Variants in ERAP1 observed in about 807,000 individuals in gnomAD.
ERAP1 encodes the protein adipocyte-derived leucine aminopeptidase.
In ERAP1, 86 loss-of-function variants were observed where a neutral mutation model predicts 103.7. The ratio of observed to expected loss-of-function variants is 0.83; its 90% CI spans 0.70 to 0.99. The LOEUF (loss-of-function observed/expected upper bound fraction) is 0.99, where lower values mean the gene tolerates loss of function less well. ERAP1 is among the 50% of genes least tolerant of loss of function. ERAP1 has a pLI of 0.00. For missense variants in ERAP1, 1,009 were observed against 1,128.4 expected (o/e 0.89, Z 1.52); for synonymous variants, 398 against 402.4 (o/e 0.99, Z 0.13).
the ERAP1 span, among the ~76,000 whole-genome samples, chr5:96,839,581 G>T: frequency 3.9e-5 from 6 of 152,250 alleles, no homozygotes; most frequent in East Asian, 1.2e-3. Flanking sequence ...CCCTTTCATT[G>T]TTTCTCATTA....
At chr5:96,780,887 A>T (rs1026431970) in intron 17 of ERAP1, among the ~76,000 whole-genome samples, 171 bp downstream of exon 17, 1 of 152,266 alleles carries the variant, frequency 6.6e-6, no homozygotes, top group African/African-American at 2.4e-5. Context: ...TTCACTAGTT[A>T]GCACTGAAGT....
chr5:96,815,417 T>TG, the ERAP1 span, among the ~76,000 whole-genome samples: 75 of 148,046 alleles, frequency 5.1e-4, no homozygotes, highest in Middle Eastern at 3.4e-3. Context: ...GTTTTTTATT[T>TG]TTTTTTTTTT....
the ERAP1 span, among the ~76,000 whole-genome samples, chr5:96,924,595 C>G: frequency 1.3e-5 from 2 of 150,996 alleles, no homozygotes; most frequent in African/African-American, 4.9e-5. Context: ...TTCGGGCTAA[C>G]AGATTTTTTT....
chr5:96,882,081 TC>T, the ERAP1 span, among the ~76,000 whole-genome samples: 5 of 152,178 alleles, frequency 3.3e-5, no homozygotes, highest in Admixed American at 1.3e-4. Flanking sequence ...GGACAACTCT[TC>T]CCCAGGCTCC....
the ERAP1 span, among the ~76,000 whole-genome samples, chr5:96,830,448 G>T: frequency 6.6e-6 from 1 of 152,164 alleles, no homozygotes; most frequent in African/African-American, 2.4e-5. Context: ...GATGCTCATT[G>T]CATTATGGCA....
At chr5:96,899,028 G>A in the ERAP1 span, among the ~76,000 whole-genome samples, 1 of 152,128 alleles carries the variant, frequency 6.6e-6, no homozygotes, top group Admixed American at 6.6e-5. Context: ...GAGTTAAAAA[G>A]AAAATTTGGC....
At chr5:96,849,629 A>G in the ERAP1 span, among the ~76,000 whole-genome samples, 1 of 152,236 alleles carries the variant, frequency 6.6e-6, no homozygotes. Context: ...AAATGGAAAG[A>G]TATCTCACAT....
chr5:96,855,767 T>A, the ERAP1 span, among the ~76,000 whole-genome samples: 12 of 152,320 alleles, frequency 7.9e-5, no homozygotes, highest in East Asian at 2.1e-3. Flanking sequence ...CAAGAGTGAA[T>A]CTGAGTCCCA....
At chr5:96,839,603 T>A in the ERAP1 span, among the ~76,000 whole-genome samples, 2 of 152,222 alleles carry the variant, frequency 1.3e-5, no homozygotes, top group Non-Finnish European at 1.5e-5. Flanking sequence ...CTTTAGGATA[T>A]ATATCGACAC....
At chr5:96,808,666 CCTCT>C (rs1446219823), upstream of ERAP1, among the ~76,000 whole-genome samples, 1 of 152,090 alleles carries the variant, frequency 6.6e-6, no homozygotes, top group Non-Finnish European at 1.5e-5. Flanking sequence ...CAACACGTTC[CCTCT>C]GATTTTTCAA....
intron 19 of ERAP1, chr5:96,769,131 G>A (rs25862): frequency 0.42 from 64,073 of 151,998 alleles, 13,868 homozygotes; most frequent in South Asian, 0.47. Context: ...TTATTTTCAG[G>A]AGAGTTAATT....
chr5:96,896,408 T>C, the ERAP1 span: 3 of 1,612,188 alleles, frequency 1.9e-6, no homozygotes, highest in Non-Finnish European at 2.5e-6. Context: ...TTGAAGTAAT[T>C]ACAAAAGATT....
chr5:96,849,880 A>G, the ERAP1 span, among the ~76,000 whole-genome samples: 1 of 152,308 alleles, frequency 6.6e-6, no homozygotes, highest in East Asian at 1.9e-4. Context: ...TAGAGTAATC[A>G]AAACAGCATG....
the ERAP1 span, chr5:96,934,007 A>T: frequency 1.6e-4 from 24 of 152,236 alleles, no homozygotes; most frequent in Non-Finnish European, 3.1e-4. Context: ...TACTGATCAA[A>T]CACATCATTC....
At position 96,776,325 on chromosome 5, in the gene ERAP1, T is replaced by A; in HGVS notation, c.*71A>T. ...TCCAGTTGGAGCCAAAACAGCCATCTCTAGTTTGAAAATACACTCAACAAA... is the reference window on the plus strand; with the variant it reads ...TCCAGTTGGAGCCAAAACAGCCATCACTAGTTTGAAAATACACTCAACAAA... On this transcript the variant is annotated 3_prime_UTR_variant, in exon 19 of 19. Coordinates refer to ENST00000443439, the MANE Select transcript of ERAP1 (RefSeq NM_001040458.3). The A allele has an allele frequency of 1.3e-6, 2 of 1,559,514 alleles. No individual in the cohort carries two copies. Among genetic ancestry groups the A allele is most frequent in the Non-Finnish European group, 1.7e-6 (2 of 1,154,450 alleles).
chr5:96,885,265 C>T, the ERAP1 span, among the ~76,000 whole-genome samples: 1 of 152,156 alleles, frequency 6.6e-6, no homozygotes, highest in Non-Finnish European at 1.5e-5. Context: ...GTCAGAAGAC[C>T]ACAATAATAC....
the ERAP1 span, among the ~76,000 whole-genome samples, chr5:96,861,997 T>G: frequency 7.9e-5 from 12 of 152,182 alleles, no homozygotes; most frequent in African/African-American, 2.9e-4. Flanking sequence ...GAAAAAAAAA[T>G]CAAGACAAGG....
chr5:96,790,477 A>G (rs1460086463), intron 9 of ERAP1, 35 bp downstream of exon 9: 1 of 1,613,422 alleles, frequency 6.2e-7, no homozygotes, highest in African/African-American at 1.3e-5. Context: ...AAGCCTGTCA[A>G]TCCCAAATGC....
chr5:96,792,229 T>A, intron 7 of ERAP1, 37 bp from the exon 8 acceptor site: 1 of 1,604,716 alleles, frequency 6.2e-7, no homozygotes, highest in Non-Finnish European at 8.5e-7. Context: ...CACCTATGAT[T>A]TACATTTAGA....
Sources: gnomAD v4.1 joint callset for allele counts (sites outside exome capture counted in the v4.1 genomes callset) on GRCh38, gnomAD v4.1.1 for gene constraint, MANE v1.5 for transcripts, NCBI Gene and HGNC (gene_info 2026-07-23, HGNC 2026-07-21) for gene names.